TANGO6: variants seen among roughly 807,000 people sequenced by gnomAD.
TANGO6 encodes transport and Golgi organization protein 6 homolog.
Under a neutral mutation model 114.2 loss-of-function variants are expected in TANGO6, and 90 were observed. The ratio of observed to expected loss-of-function variants is 0.79; its 90% CI spans 0.66 to 0.94. The LOEUF is 0.94. Among genes scored for constraint, TANGO6 ranks in the 40% least tolerant of loss-of-function variants. The probability of loss-of-function intolerance (pLI) is 0.00; values close to 1 mark genes in which losing one functional copy is unlikely to be tolerated. For missense variants in TANGO6, 1,274 were observed against 1,315.3 expected, an observed-to-expected ratio of 0.97 and a Z score of 0.49; for synonymous variants, 477 against 509.8, an observed-to-expected ratio of 0.94 and a Z score of 0.87.
intron 7 of TANGO6, among the ~76,000 whole-genome samples, chr16:68,882,462 A>G (rs182960686): frequency 6.6e-6 from 1 of 151,766 alleles, no homozygotes; most frequent in Non-Finnish European, 1.5e-5. Context: ...GCACCACTGC[A>G]CTCCAGCCTG....
chr16:69,009,420 T>C (rs2152223637), intron 15 of TANGO6, among the ~76,000 whole-genome samples: 1 of 152,310 alleles, frequency 6.6e-6, no homozygotes, highest in African/African-American at 2.4e-5. Context: ...ATTCTATTGA[T>C]TTACCTATTA....
At chr16:68,909,148 G>C in intron 10 of TANGO6, 63 bp from the exon 11 acceptor site, 1 of 1,271,374 alleles carries the variant, frequency 7.9e-7, no homozygotes, top group Non-Finnish European at 1.0e-6. Flanking sequence ...TTCTGCTTAT[G>C]TTTGAGAAGG....
intron 16 of TANGO6, among the ~76,000 whole-genome samples, chr16:69,039,416 G>A (rs1383443779): frequency 6.6e-6 from 1 of 151,804 alleles, no homozygotes; most frequent in Non-Finnish European, 1.5e-5. Context: ...CAGGAGGATT[G>A]CATAAGCCCA....
At position 69,077,787 on chromosome 16, in the gene TANGO6, G is replaced by A. The variant is rs954385136; in HGVS notation, c.3109-5698G>A. Among the ~76,000 whole-genome samples the A allele has an allele frequency of 2.6e-5, 4 of 152,198 alleles. No individual in the cohort carries two copies. The South Asian group carries it at 8.3e-4, about 32-fold the overall frequency. ...GAGGTTGGCAGTGAGCTGAGATAGAGCCACTGCACTCAAGCCTGGGCAACA... is the reference window on the plus strand; with the variant it reads ...GAGGTTGGCAGTGAGCTGAGATAGAACCACTGCACTCAAGCCTGGGCAACA... On this transcript the variant is annotated intron_variant, in intron 17 of 17. Coordinates refer to ENST00000261778, the MANE Select transcript of TANGO6 (RefSeq NM_024562.2).
intron 15 of TANGO6, among the ~76,000 whole-genome samples, chr16:68,987,940 T>C (rs993322383): frequency 6.6e-6 from 1 of 152,200 alleles, no homozygotes. Context: ...TTATTTTCTA[T>C]TCATGTATCT....
chr16:68,909,439 T>G, intron 11 of TANGO6, 37 bp downstream of exon 11: 2 of 1,437,418 alleles, frequency 1.4e-6, no homozygotes, highest in Non-Finnish European at 1.8e-6. Flanking sequence ...CAGCCTTTTT[T>G]TCTTTCCAAA....
At chr16:68,957,400 T>C (rs950082435) in intron 14 of TANGO6, among the ~76,000 whole-genome samples, 1 of 147,670 alleles carries the variant, frequency 6.8e-6, no homozygotes, top group Non-Finnish European at 1.5e-5. Flanking sequence ...TAACACTATT[T>C]TTTTTTTTTT....
chr16:68,880,117 C>CA (rs1962433837), intron 6 of TANGO6, among the ~76,000 whole-genome samples: 1 of 151,916 alleles, frequency 6.6e-6, no homozygotes, highest in South Asian at 2.1e-4. Flanking sequence ...GGACTACAGG[C>CA]CTGCCCCACC....
intron 15 of TANGO6, among the ~76,000 whole-genome samples, chr16:68,985,090 C>A (rs1963877873): frequency 6.6e-6 from 1 of 151,844 alleles, no homozygotes; most frequent in Non-Finnish European, 1.5e-5. Flanking sequence ...CCAGGCTGGA[C>A]TCCAACACCT....
At chr16:68,878,044 C>A in intron 5 of TANGO6, 74 bp from the exon 6 acceptor site, 1 of 1,288,964 alleles carries the variant, frequency 7.8e-7, no homozygotes, top group Non-Finnish European at 1.0e-6. Flanking sequence ...TAAAGAAATT[C>A]ATGCTTTTTG....
intron 17 of TANGO6, among the ~76,000 whole-genome samples, chr16:69,045,029 G>A (rs1959829302): frequency 6.6e-6 from 1 of 151,764 alleles, no homozygotes; most frequent in South Asian, 2.1e-4. Context: ...GGATTTGGTG[G>A]CACACTTGTA....
At chr16:69,010,425 C>T (rs1953821346) in intron 15 of TANGO6, among the ~76,000 whole-genome samples, 1 of 152,162 alleles carries the variant, frequency 6.6e-6, no homozygotes, top group Non-Finnish European at 1.5e-5. Context: ...TTTAATTTCA[C>T]ACCCTCCATG....
intron 14 of TANGO6, among the ~76,000 whole-genome samples, chr16:68,936,831 G>C (rs1167987996): frequency 1.3e-5 from 2 of 151,902 alleles, no homozygotes; most frequent in Non-Finnish European, 2.9e-5. Flanking sequence ...AACCACCTGG[G>C]CTCTGGGCCA....
At chr16:68,942,403 G>A (rs1963363521) in intron 14 of TANGO6, among the ~76,000 whole-genome samples, 1 of 151,876 alleles carries the variant, frequency 6.6e-6, no homozygotes, top group Admixed American at 6.6e-5. Flanking sequence ...AAAACATAAG[G>A]CAATGCAGAA....
chr16:68,953,755 A>G (rs1597034798), intron 14 of TANGO6, among the ~76,000 whole-genome samples: 1 of 152,046 alleles, frequency 6.6e-6, no homozygotes, highest in South Asian at 2.1e-4. Context: ...TGGTCGTGAA[A>G]CCCGCCTTTG....
intron 15 of TANGO6, among the ~76,000 whole-genome samples, chr16:68,983,728 T>G (rs1692602974): frequency 2.0e-5 from 3 of 152,062 alleles, no homozygotes; most frequent in Admixed American, 2.0e-4. Flanking sequence ...AACAGGTCCG[T>G]TTTTGAAAAA....
At chr16:68,899,134 C>G (rs1462764662) in intron 7 of TANGO6, among the ~76,000 whole-genome samples, 1 of 151,820 alleles carries the variant, frequency 6.6e-6, no homozygotes, top group Non-Finnish European at 1.5e-5. Flanking sequence ...ATTAGCCATG[C>G]ATGCTGGTGT....
chr16:69,003,006 C>T (rs2152221694), intron 15 of TANGO6, among the ~76,000 whole-genome samples: 1 of 151,944 alleles, frequency 6.6e-6, no homozygotes, highest in South Asian at 2.1e-4. Context: ...GGTGCCACTA[C>T]ACTCCAGCCT....
At chr16:69,049,398 T>C (rs904993696) in intron 17 of TANGO6, among the ~76,000 whole-genome samples, 3 of 151,578 alleles carry the variant, frequency 2.0e-5, no homozygotes, top group Non-Finnish European at 1.5e-5. Flanking sequence ...TGGTTAAGGC[T>C]CATCCATGTT....
Sources: allele counts gnomAD v4.1 joint callset (sites outside exome capture counted in the v4.1 genomes callset), GRCh38; gene constraint gnomAD v4.1.1; transcripts MANE v1.5; gene names NCBI Gene and HGNC (gene_info 2026-07-23, HGNC 2026-07-21).